SRFBP1: variants seen among roughly 807,000 people sequenced by gnomAD.
SRFBP1 encodes the protein serum response factor-binding protein 1.
In SRFBP1, 47 loss-of-function variants were observed where a neutral mutation model predicts 45.5. That is an observed-to-expected ratio of 1.03 (90% confidence interval 0.82 to 1.32). The LOEUF is 1.32. Ranked by LOEUF, SRFBP1 falls within the 40% of genes most tolerant of loss-of-function variation. SRFBP1 has a pLI of 0.00. For missense variants in SRFBP1, 621 were observed against 484.6 expected, an observed-to-expected ratio of 1.28 and a Z score of -2.64; for synonymous variants, 203 against 166.3, an observed-to-expected ratio of 1.22 and a Z score of -1.70.
rs376689447 is a variant in SRFBP1, at chr5:122,064,052, C to T, written n.312-11263C>T. ...ACTGTGGTCTGAATCATCATGAGAT[C>T]GCTAATATGGCATATTGTAAACTGA... is the stretch of plus-strand genomic sequence containing the variant. On this transcript the variant is annotated intron_variant and non_coding_transcript_variant, in intron 2 of 2. Coordinates refer to the SRFBP1 transcript ENST00000504881. 1.1e-4 allele frequency: 17 copies of T among 151,962 alleles called. No individual in the cohort carries two copies. In the East Asian group the frequency reaches 2.7e-3, roughly 24 times the overall value. 9.4% of individuals were successfully genotyped at this position (151,962 alleles called of 1,614,324 possible).
chr5:122,004,322 G>A (rs776610058), intron 4 of SRFBP1, among the ~76,000 whole-genome samples: 1 of 151,976 alleles, frequency 6.6e-6, no homozygotes, highest in African/African-American at 2.4e-5. Context: ...GTGACATAGT[G>A]GTCTAATTTT....
chr5:122,001,852 C>G (rs189819447), intron 4 of SRFBP1, among the ~76,000 whole-genome samples: 1 of 151,840 alleles, frequency 6.6e-6, no homozygotes, highest in Non-Finnish European at 1.5e-5. Flanking sequence ...TGAGCCACCG[C>G]GCCCGGCCAT....
At chr5:122,000,497 A>G (rs75810289) in intron 4 of SRFBP1, among the ~76,000 whole-genome samples, 21 of 152,158 alleles carry the variant, frequency 1.4e-4, no homozygotes, top group East Asian at 9.6e-4. Flanking sequence ...AGTTTCTACA[A>G]TTTTTTTGGC....
chr5:122,047,520 G>C (rs1413689064), intron 2 of SRFBP1, among the ~76,000 whole-genome samples: 1 of 152,132 alleles, frequency 6.6e-6, no homozygotes, highest in African/African-American at 2.4e-5. Context: ...GGATTGTCTT[G>C]GCAATGCGGG....
chr5:121,966,892 G>A (rs563111646), intron 1 of SRFBP1, among the ~76,000 whole-genome samples: 117 of 149,636 alleles, frequency 7.8e-4, no homozygotes, highest in Non-Finnish European at 1.3e-3. Context: ...CCATTCTTCT[G>A]CCTCAGCCTC....
Position 121,994,581 on chromosome 5 carries a change from T to G in SRFBP1, c.199-18T>G, listed in dbSNP as rs752546817. 6.5e-6 allele frequency: 10 copies of G among 1,549,324 alleles called. No homozygotes were observed. The East Asian group carries it at 6.8e-5, about 11-fold the overall frequency. On this transcript the variant is annotated intron_variant, in intron 3 of 7. Coordinates refer to ENST00000339397, the MANE Select transcript of SRFBP1 (RefSeq NM_152546.3). ...AATAGACACATAACTAAAATTAATT[T>G]GTTTTATTCTTTCACAGGAATTGAA...
rs372215557 is a variant in SRFBP1 at position 122,071,048 on chromosome 5, C to A, written n.312-4267C>A. ...GTGGATAGCTTTTACAGTGTTTATC[C>A]CTTTTTGCTCTGCATTATAACATGC... On this transcript the variant is annotated intron_variant and non_coding_transcript_variant, in intron 2 of 2. Transcript: ENST00000504881. 2.7e-5 allele frequency among the ~76,000 whole-genome samples: 4 copies of A among 149,014 alleles called. No homozygotes were observed. In the East Asian group the frequency reaches 5.9e-4, roughly 22 times the overall value.
intron 2 of SRFBP1, among the ~76,000 whole-genome samples, chr5:122,043,163 A>G (rs1205353259): frequency 6.6e-6 from 1 of 151,762 alleles, no homozygotes; most frequent in Admixed American, 6.6e-5. Context: ...GGGTCATGAG[A>G]CTTATTTCCT....
chr5:121,974,246 A>T lies in SRFBP1; in HGVS notation c.87A>T (p.Arg29=), dbSNP rs1752256887. 1 of 1,611,448 alleles carries T rather than the reference A, an allele frequency of 6.2e-7. No individual in the cohort carries two copies. The highest frequency in any genetic ancestry group is 1.1e-5 in the South Asian group (1 of 90,992). The change falls in exon 2 of 8, where the codon CGA becomes CGT. Residue 29 remains arginine, a synonymous_variant. Transcript: ENST00000339397. Reference sequence around the variant, plus strand: ...AGAGAATTCGAGTTTTAGTTATCCGAAAACTTGTCAGGAGTGTTGGCCGAC... The same window carrying T: ...AGAGAATTCGAGTTTTAGTTATCCGTAAACTTGTCAGGAGTGTTGGCCGAC... ...EVKRIRVLVI[R]KLVRSVGRLK...
rs1162901199 is a variant in SRFBP1 at position 121,996,086 on chromosome 5, A to G, written c.270+1416A>G. On this transcript the variant is annotated intron_variant, in intron 4 of 7. Transcript: ENST00000339397. The stretch of plus-strand genomic sequence containing the variant: ...CACAGCCGAATTCTACCAGAGGTAC[A>G]AGGAGGAACTGGTACCATTCCTTCT... Among the ~76,000 whole-genome samples, 592 of 150,078 alleles carry G rather than the reference A, an allele frequency of 3.9e-3. 14 individuals are homozygous for G. The East Asian group carries it at 0.051, about 13-fold the overall frequency.
At chr5:121,979,336 A>T (rs1752361879) in intron 3 of SRFBP1, among the ~76,000 whole-genome samples, 1 of 152,146 alleles carries the variant, frequency 6.6e-6, no homozygotes, top group African/African-American at 2.4e-5. Context: ...ATGCTTTTTT[A>T]AAAGTTACCA....
chr5:122,035,634 A>G (rs1327729980), intron 2 of SRFBP1, among the ~76,000 whole-genome samples: 3 of 152,196 alleles, frequency 2.0e-5, no homozygotes, highest in Non-Finnish European at 2.9e-5. Flanking sequence ...AGTGGAAATA[A>G]TGATCATTCC....
intron 2 of SRFBP1, among the ~76,000 whole-genome samples, chr5:122,042,329 C>G (rs1375421135): frequency 1.3e-5 from 2 of 152,112 alleles, no homozygotes; most frequent in Non-Finnish European, 2.9e-5. Flanking sequence ...TGCTATAACA[C>G]GATCATGGCT....
At chr5:121,988,196 G>A (rs1437394406) in intron 3 of SRFBP1, among the ~76,000 whole-genome samples, 1 of 152,102 alleles carries the variant, frequency 6.6e-6, no homozygotes, top group Admixed American at 6.6e-5. Context: ...GACCATCACT[G>A]ACAACAGAAT....
At chr5:121,977,558 G>C (rs1580502278) in intron 3 of SRFBP1, among the ~76,000 whole-genome samples, 1 of 151,948 alleles carries the variant, frequency 6.6e-6, no homozygotes, top group Admixed American at 6.6e-5. Flanking sequence ...TTAGGAAATG[G>C]TTATTACCTA....
intron 3 of SRFBP1, among the ~76,000 whole-genome samples, chr5:121,993,333 C>G (rs1752654304): frequency 1.3e-5 from 2 of 152,122 alleles, no homozygotes; most frequent in Non-Finnish European, 2.9e-5. Flanking sequence ...ATAAATCATG[C>G]TTCATTTTAA....
chr5:122,058,339 A>G (rs1754117432), intron 2 of SRFBP1, among the ~76,000 whole-genome samples: 1 of 152,144 alleles, frequency 6.6e-6, no homozygotes, highest in Admixed American at 6.5e-5. Flanking sequence ...GCTTAAGAAA[A>G]TTTTTGTATC....
intron 3 of SRFBP1, among the ~76,000 whole-genome samples, chr5:121,980,587 A>G (rs574974352): frequency 6.6e-6 from 1 of 152,278 alleles, no homozygotes; most frequent in East Asian, 1.9e-4. Context: ...TAGTGATAAT[A>G]GCCATTTTTG....
intron 4 of SRFBP1, among the ~76,000 whole-genome samples, chr5:121,995,465 A>T (rs1469831668): frequency 6.6e-6 from 1 of 152,122 alleles, no homozygotes; most frequent in Non-Finnish European, 1.5e-5. Context: ...TTTGAAACCA[A>T]CGAGAACAAA....
Sources: allele counts gnomAD v4.1 joint callset (sites outside exome capture counted in the v4.1 genomes callset), GRCh38; gene constraint gnomAD v4.1.1; transcripts MANE v1.5; gene names NCBI Gene and HGNC (gene_info 2026-07-23, HGNC 2026-07-21).